RBFOX1: variants seen among roughly 807,000 people sequenced by gnomAD.
The protein encoded by RBFOX1 is RNA binding protein fox-1 homolog 1.
Under a neutral mutation model 57.7 loss-of-function variants are expected in RBFOX1, and 8 were observed. The ratio of observed to expected loss-of-function variants is 0.14; its 90% CI spans 0.08 to 0.25. The LOEUF (loss-of-function observed/expected upper bound fraction) is 0.25, where lower values mean the gene tolerates loss of function less well. Ranked by LOEUF, RBFOX1 falls within the 10% of genes least tolerant of loss-of-function variation. RBFOX1 has a pLI of 1.00. For synonymous variants in RBFOX1, 326 were observed against 222.4 expected, an observed-to-expected ratio of 1.47 and a Z score of -4.15; for missense variants, 611 against 548.5, an observed-to-expected ratio of 1.11 and a Z score of -1.14.
chr16:5,624,673 G>T (rs1458393518), intron 3 of RBFOX1, among the ~76,000 whole-genome samples: 1 of 152,234 alleles, frequency 6.6e-6, no homozygotes, highest in Admixed American at 6.5e-5. Context: ...CTAGCTGAAG[G>T]GCGCTCTCAG....
intron 3 of RBFOX1, among the ~76,000 whole-genome samples, chr16:5,606,457 C>T (rs2047582978): frequency 6.6e-6 from 1 of 152,094 alleles, no homozygotes; most frequent in African/African-American, 2.4e-5. Context: ...TCATTCCTCC[C>T]TCCCTTCCTT....
chr16:6,104,999 A>G (rs1409785240), intron 1 of RBFOX1, among the ~76,000 whole-genome samples: 1 of 152,196 alleles, frequency 6.6e-6, no homozygotes, highest in Non-Finnish European at 1.5e-5. Context: ...AATTCTCTTT[A>G]ACATAAGAAT....
At chr16:5,885,036 T>G (rs2057863174) in intron 4 of RBFOX1, among the ~76,000 whole-genome samples, 1 of 152,200 alleles carries the variant, frequency 6.6e-6, no homozygotes, top group South Asian at 2.1e-4. Context: ...CTCTGTTTTG[T>G]AATGCATGGT....
chr16:7,671,980 A>C (rs1310836900), intron 13 of RBFOX1, among the ~76,000 whole-genome samples: 1 of 152,216 alleles, frequency 6.6e-6, no homozygotes, highest in Non-Finnish European at 1.5e-5. Context: ...AAAATAATTC[A>C]AGGTTCTAAT....
intron 4 of RBFOX1, among the ~76,000 whole-genome samples, chr16:7,182,493 C>T (rs1182818295): frequency 6.6e-6 from 1 of 152,026 alleles, no homozygotes; most frequent in African/African-American, 2.4e-5. Context: ...TTGTTTTTAC[C>T]ATTTTCTAGA....
chr16:6,250,617 G>C (rs765562970), intron 1 of RBFOX1, among the ~76,000 whole-genome samples: 1 of 152,104 alleles, frequency 6.6e-6, no homozygotes, highest in Non-Finnish European at 1.5e-5. Flanking sequence ...TTTATGCTCT[G>C]GGAAGATTTG....
chr16:5,388,347 C>A (rs13337707), intron 1 of RBFOX1, among the ~76,000 whole-genome samples: 6,339 of 152,214 alleles, frequency 0.042, 201 homozygotes, highest in Middle Eastern at 0.095. Flanking sequence ...TGCCAAGCGA[C>A]AACAAGCTTT....
chr16:5,976,732 G>A (rs72770971), intron 4 of RBFOX1, among the ~76,000 whole-genome samples: 4,783 of 152,070 alleles, frequency 0.031, 121 homozygotes, highest in Middle Eastern at 0.048. Context: ...CTCTGGGTGC[G>A]GTGGCACATG....
upstream of RBFOX1, among the ~76,000 whole-genome samples, chr16:6,016,295 G>C (rs74006554): frequency 0.13 from 19,627 of 152,220 alleles, 1,383 homozygotes; most frequent in Admixed American, 0.16. Context: ...GATTGGCAGG[G>C]AGAAAGTGAT....
intron 2 of RBFOX1, among the ~76,000 whole-genome samples, chr16:6,591,086 G>C (rs572277781): frequency 6.6e-6 from 1 of 152,120 alleles, no homozygotes; most frequent in Non-Finnish European, 1.5e-5. Flanking sequence ...TAAGTGCTGT[G>C]ATTATTCTTA....
At chr16:6,763,688 C>A (rs150816783) in intron 3 of RBFOX1, among the ~76,000 whole-genome samples, 1 of 152,280 alleles carries the variant, frequency 6.6e-6, no homozygotes, top group Admixed American at 6.5e-5. Flanking sequence ...TTAGGATTTA[C>A]GTTTTTATTA....
At chr16:7,570,612 G>C (rs1296205722) in intron 5 of RBFOX1, among the ~76,000 whole-genome samples, 1 of 152,172 alleles carries the variant, frequency 6.6e-6, no homozygotes, top group Non-Finnish European at 1.5e-5. Context: ...TTATTGCAGA[G>C]CTACCTAGCC....
intron 2 of RBFOX1, among the ~76,000 whole-genome samples, chr16:6,557,341 T>C (rs943509212): frequency 2.6e-5 from 4 of 151,986 alleles, no homozygotes; most frequent in Non-Finnish European, 5.9e-5. Context: ...AACTTATGAA[T>C]GCTTTGAAAA....
intron 3 of RBFOX1, among the ~76,000 whole-genome samples, chr16:5,826,986 A>G (rs373608024): frequency 1.3e-5 from 2 of 152,298 alleles, no homozygotes; most frequent in East Asian, 3.9e-4. Flanking sequence ...CTTCAATGAC[A>G]TAGTGCTCAC....
At chr16:6,922,399 G>C (rs1484063742) in intron 3 of RBFOX1, among the ~76,000 whole-genome samples, 2 of 152,222 alleles carry the variant, frequency 1.3e-5, no homozygotes, top group African/African-American at 4.8e-5. Context: ...CGGCACAGCA[G>C]TGGCTGCTGG....
At chr16:6,963,798 A>T (rs1207899670) in intron 3 of RBFOX1, among the ~76,000 whole-genome samples, 1 of 151,670 alleles carries the variant, frequency 6.6e-6, no homozygotes, top group African/African-American at 2.4e-5. Context: ...TCCCGGGTTC[A>T]TGCCATTCTC....
chr16:6,941,786 C>G (rs1035288930), intron 3 of RBFOX1, among the ~76,000 whole-genome samples: 1 of 152,158 alleles, frequency 6.6e-6, no homozygotes, highest in Admixed American at 6.5e-5. Context: ...TGAACTCATA[C>G]TCACCCTATT....
At chr16:6,025,496 C>T (rs887022086) in intron 1 of RBFOX1, among the ~76,000 whole-genome samples, 5 of 152,212 alleles carry the variant, frequency 3.3e-5, no homozygotes, top group African/African-American at 7.2e-5. Flanking sequence ...GAGGCAACAT[C>T]ATGTGTTCTT....
At chr16:7,435,919 C>T (rs762440056) in intron 4 of RBFOX1, among the ~76,000 whole-genome samples, 1 of 152,182 alleles carries the variant, frequency 6.6e-6, no homozygotes, top group Non-Finnish European at 1.5e-5. Flanking sequence ...AAGCAGGCAG[C>T]ACTTGTTGAA....
Sources: gnomAD v4.1 joint callset for allele counts (sites outside exome capture counted in the v4.1 genomes callset) on GRCh38, gnomAD v4.1.1 for gene constraint, MANE v1.5 for transcripts, NCBI Gene and HGNC (gene_info 2026-07-23, HGNC 2026-07-21) for gene names.